Variants in PPP2R3A observed in about 807,000 individuals in gnomAD.
PPP2R3A encodes serine/threonine-protein phosphatase 2A regulatory subunit B'' subunit alpha.
PPP2R3A carries 80 observed loss-of-function variants against 106.9 expected under a neutral mutation model. The observed-to-expected ratio is 0.75, with a 90% CI of 0.62 to 0.90. The LOEUF (loss-of-function observed/expected upper bound fraction) is 0.90, where lower values mean the gene tolerates loss of function less well. Among genes scored for constraint, PPP2R3A ranks in the 40% least tolerant of loss-of-function variants. The pLI is 0.00. For missense variants in PPP2R3A, 1,386 were observed against 1,350.4 expected (o/e 1.03, Z -0.41); for synonymous variants, 483 against 468.3 (o/e 1.03, Z -0.41).
intron 2 of PPP2R3A, among the ~76,000 whole-genome samples, chr3:136,011,507 G>A (rs1467842480): frequency 6.6e-6 from 1 of 151,996 alleles, no homozygotes. Flanking sequence ...AAATAATAAA[G>A]GTAATTTTTC....
At chr3:136,144,056 G>A (rs1391617864) in intron 13 of PPP2R3A, among the ~76,000 whole-genome samples, 1 of 152,162 alleles carries the variant, frequency 6.6e-6, no homozygotes, top group African/African-American at 2.4e-5. Context: ...TATAGCCTCA[G>A]AATATTTATC....
At chr3:136,079,984 C>T (rs544186241) in intron 7 of PPP2R3A, among the ~76,000 whole-genome samples, 3 of 152,254 alleles carry the variant, frequency 2.0e-5, no homozygotes, top group African/African-American at 7.2e-5. Flanking sequence ...GAGTAATAAA[C>T]AGAAGTCACT....
At chr3:136,130,314 A>G (rs1350012032) in intron 13 of PPP2R3A, among the ~76,000 whole-genome samples, 2 of 152,242 alleles carry the variant, frequency 1.3e-5, no homozygotes, top group South Asian at 2.1e-4. Context: ...CAACTTCAGC[A>G]AAGTCTCAGG....
In PPP2R3A at chr3:136,082,889, C is replaced by G. The variant is rs541195912; in HGVS notation, c.2788+468C>G. On this transcript the variant is annotated intron_variant, in intron 8 of 13. Coordinates refer to ENST00000264977, the MANE Select transcript of PPP2R3A (RefSeq NM_002718.5). ...TTGGAAATTTTGTTCCAGAAAGATA[C>G]GTCTCTGCAGATGAATTTTGCGTGC... 4.6e-5 allele frequency among the ~76,000 whole-genome samples: 7 copies of G among 152,300 alleles called. No individual in the cohort carries two copies. In the East Asian group the frequency reaches 1.2e-3, roughly 25 times the overall value.
intron 5 of PPP2R3A, among the ~76,000 whole-genome samples, chr3:136,070,185 G>C (rs543340815): frequency 6.6e-6 from 1 of 152,136 alleles, no homozygotes; most frequent in Non-Finnish European, 1.5e-5. Flanking sequence ...GCCTTGATGT[G>C]CTGTTGATGT....
At chr3:136,099,677 CA>C (rs1250700470) in intron 10 of PPP2R3A, among the ~76,000 whole-genome samples, 5 of 151,440 alleles carry the variant, frequency 3.3e-5, no homozygotes, top group Non-Finnish European at 5.9e-5. Context: ...AGAAACAGAT[CA>C]AAAAAATTTT....
intron 2 of PPP2R3A, among the ~76,000 whole-genome samples, chr3:136,009,621 G>C (rs1445623273): frequency 6.6e-6 from 1 of 152,004 alleles, no homozygotes; most frequent in African/African-American, 2.4e-5. Context: ...GCATTACCTG[G>C]ACACTTGATA....
At position 136,062,705 on chromosome 3, in the gene PPP2R3A, G is replaced by T. The variant is rs181421923; in HGVS notation, c.2470-7773G>T. ...TGCACTCCAGCCTGGGTGACAGAGT[G>T]AGACTCCATCTCAAAAAAAAAAAAA... On this transcript the variant is annotated intron_variant, in intron 5 of 13. Transcript: ENST00000264977. 3.8e-3 allele frequency among the ~76,000 whole-genome samples: 506 copies of T among 133,838 alleles called. 4 individuals carry two copies. The highest frequency in any genetic ancestry group is 0.015 in the African/African-American group (486 of 33,124). The allele number at this position is 133,838 out of a possible 152,430, so 87.8% of individuals were successfully genotyped here.
At chr3:136,065,219 C>T (rs778685457) in intron 5 of PPP2R3A, among the ~76,000 whole-genome samples, 22 of 152,056 alleles carry the variant, frequency 1.4e-4, no homozygotes, top group Non-Finnish European at 2.9e-4. Context: ...CCACATGTTT[C>T]CTAGCAAAGA....
In PPP2R3A at chr3:136,076,180, A is replaced by ACC. The variant is rs1936587728; in HGVS notation, c.2545-2187_2545-2186insCC. ...TTGCTTTATAGGGCTAATTTTAGGA[A>ACC]AGTCTTCCTTATATTGAAGCATTTC... On this transcript the variant is annotated intron_variant, in intron 6 of 13. Transcript: ENST00000264977. Among the ~76,000 whole-genome samples the ACC allele has an allele frequency of 2.0e-5, 3 of 152,206 alleles. No individual in the cohort carries two copies. The South Asian group carries it at 6.2e-4, about 31-fold the overall frequency.
intron 13 of PPP2R3A, among the ~76,000 whole-genome samples, chr3:136,115,596 G>A (rs559427182): frequency 6.6e-6 from 1 of 151,868 alleles, no homozygotes; most frequent in African/African-American, 2.4e-5. Flanking sequence ...AGAACCTCGT[G>A]AAGCATATAC....
chr3:136,103,649 G>C (rs1256173405), intron 12 of PPP2R3A, among the ~76,000 whole-genome samples: 1 of 151,696 alleles, frequency 6.6e-6, no homozygotes, highest in African/African-American at 2.4e-5. Flanking sequence ...AAACAAAAGA[G>C]TAGTTTTGAA....
intron 13 of PPP2R3A, among the ~76,000 whole-genome samples, chr3:136,119,003 A>G (rs1017071451): frequency 2.6e-5 from 4 of 152,120 alleles, no homozygotes; most frequent in Admixed American, 6.5e-5. Context: ...AAACAGCATG[A>G]TACTGGTACC....
intron 13 of PPP2R3A, among the ~76,000 whole-genome samples, chr3:136,108,743 G>C (rs1937553812): frequency 6.6e-6 from 1 of 151,662 alleles, no homozygotes; most frequent in African/African-American, 2.4e-5. Context: ...CAGACAACTG[G>C]TAAATAAATA....
intron 4 of PPP2R3A, among the ~76,000 whole-genome samples, chr3:136,046,504 C>T (rs1205921975): frequency 6.6e-6 from 1 of 151,818 alleles, no homozygotes; most frequent in African/African-American, 2.4e-5. Flanking sequence ...AGCCTTGGCC[C>T]TCTGAAAGCA....
intron 5 of PPP2R3A, among the ~76,000 whole-genome samples, chr3:136,050,558 G>T (rs1935649894): frequency 6.6e-6 from 1 of 152,110 alleles, no homozygotes; most frequent in Non-Finnish European, 1.5e-5. Flanking sequence ...TGTGCCACGT[G>T]TCAAGCCCCA....
chr3:136,060,283 G>C (rs1039443955), intron 5 of PPP2R3A, among the ~76,000 whole-genome samples: 1 of 152,168 alleles, frequency 6.6e-6, no homozygotes, highest in Non-Finnish European at 1.5e-5. Context: ...CAAATACTAC[G>C]TGATCTCACT....
intron 4 of PPP2R3A, among the ~76,000 whole-genome samples, 176 bp from the exon 5 acceptor site, chr3:136,049,083 C>T (rs1436530728): frequency 6.6e-6 from 1 of 152,196 alleles, no homozygotes; most frequent in Non-Finnish European, 1.5e-5. Flanking sequence ...GACTTCAGTA[C>T]TCATCCAACC....
intron 2 of PPP2R3A, among the ~76,000 whole-genome samples, chr3:136,014,568 T>TTTA (rs1325462407): frequency 2.0e-5 from 3 of 152,132 alleles, no homozygotes; most frequent in Non-Finnish European, 4.4e-5. Context: ...ATGTATTTTA[T>TTTA]TTATTTTGTT....
Sources: gnomAD v4.1 joint callset for allele counts (sites outside exome capture counted in the v4.1 genomes callset) on GRCh38, gnomAD v4.1.1 for gene constraint, MANE v1.5 for transcripts, NCBI Gene and HGNC (gene_info 2026-07-23, HGNC 2026-07-21) for gene names.